The following ZDHHC4 variants were observed in gnomAD, a reference collection of about 807,000 sequenced individuals.
The protein encoded by ZDHHC4 is zDHHC palmitoyltransferase 4.
Under a neutral mutation model 36.7 loss-of-function variants are expected in ZDHHC4, and 42 were observed. The observed-to-expected ratio is 1.14, with a 90% confidence interval of 0.89 to 1.48. The LOEUF (loss-of-function observed/expected upper bound fraction) is 1.48, where lower values mean the gene tolerates loss of function less well. Among genes scored for constraint, ZDHHC4 ranks in the 40% most tolerant of loss-of-function variants. The pLI is 0.00. For synonymous variants in ZDHHC4, 189 were observed against 166.6 expected (o/e 1.13, Z -1.03); for missense variants, 457 against 421.5 (o/e 1.08, Z -0.74).
chr7:6,582,541 G>C (rs770736246), intron 5 of ZDHHC4, among the ~76,000 whole-genome samples: 2 of 151,974 alleles, frequency 1.3e-5, no homozygotes, highest in Non-Finnish European at 2.9e-5. Flanking sequence ...TTCTTAAGAC[G>C]GAGTCACGCT....
intron 6 of ZDHHC4, 53 bp from the exon 7 acceptor site, chr7:6,584,963 G>A (rs1014980345): frequency 5.0e-6 from 8 of 1,604,762 alleles, no homozygotes; most frequent in African/African-American, 1.3e-5. Context: ...GGTGTGCGGT[G>A]TCCTTGTCTC....
intron 6 of ZDHHC4, chr7:6,584,814 A>G (rs1562543481): frequency 1.5e-6 from 1 of 654,274 alleles, no homozygotes; most frequent in Non-Finnish European, 2.5e-6. Flanking sequence ...TTGTAGTCAG[A>G]TTGCAAGTGC....
In ZDHHC4 at chr7:6,588,808, G is replaced by A; in HGVS notation, c.933G>A (p.Glu311=). The part of the protein sequence containing the change: ...CPLVAWPPSA[E]PQVHRNIHSH... ...TTGTGGCCTGGCCTCCGTCAGCAGA[G>A]CCCCAAGTCCACCGGAACATTCACT... The change falls in exon 8 of 8, where the codon GAG becomes GAA. Residue 311 remains glutamate (E), a synonymous_variant. Coordinates refer to ENST00000335965, the MANE Select transcript of ZDHHC4 (RefSeq NM_001134389.2). 1 of 1,614,132 alleles carries A rather than the reference G, an allele frequency of 6.2e-7. No individual in the cohort carries two copies. Among genetic ancestry groups the A allele is most frequent in the South Asian group, 1.1e-5 (1 of 91,080 alleles).
rs758307330 is a variant in ZDHHC4 at position 6,585,261 on chromosome 7, G to A, written c.741+1G>A. ...TATGGACACGGTCTTTCTTATTCAG[G>A]TAATTATGCTGTAGGTTTCTGACTT... On this transcript the variant is annotated splice_donor_variant, in intron 7 of 7. Transcript: ENST00000335965. LOFTEE classifies it high-confidence loss of function. 2 of 1,609,494 alleles carry A rather than the reference G, an allele frequency of 1.2e-6. No homozygotes were observed. Among genetic ancestry groups the A allele is most frequent in the East Asian group, 2.2e-5 (1 of 44,764 alleles).
intron 2 of ZDHHC4, among the ~76,000 whole-genome samples, chr7:6,579,008 A>G (rs1301023749): frequency 6.6e-6 from 1 of 151,834 alleles, no homozygotes; most frequent in Non-Finnish European, 1.5e-5. Flanking sequence ...TTTTTTGTAG[A>G]GATGGGGGTC....
At position 6,588,972 on chromosome 7, in the gene ZDHHC4, T is replaced by C; in HGVS notation, c.*62T>C. ...TATTTACACATGTGGATCCTCGTTT[T>C]CCAAGCATGGCTTGTTTGTTTTGAT... On this transcript the variant is annotated 3_prime_UTR_variant, in exon 8 of 8. Coordinates refer to ENST00000335965, the MANE Select transcript of ZDHHC4 (RefSeq NM_001134389.2). 1 of 1,548,538 alleles carries C rather than the reference T, an allele frequency of 6.5e-7. No homozygotes were observed. Among genetic ancestry groups the C allele is most frequent in the Admixed American group, 1.8e-5 (1 of 54,660 alleles).
intron 7 of ZDHHC4, 95 bp downstream of exon 7, chr7:6,585,355 GGC>G: frequency 6.6e-7 from 1 of 1,507,010 alleles, no homozygotes; most frequent in Non-Finnish European, 8.9e-7. Context: ...GGGGTGTGGT[GGC>G]TCACGCCTAT....
At position 6,588,863 on chromosome 7, in the gene ZDHHC4, A is replaced by G. The variant is rs1017404810; in HGVS notation, c.988A>G (p.Ile330Val). Residue 330 changes from isoleucine (I) to valine (V), a missense_variant, in exon 8 of 8, where the codon ATC (isoleucine) becomes GTC (valine). Transcript: ENST00000335965. Reference sequence around the variant, plus strand: ...TGGGCTTCGGAGCAACCTTCAAGAGATCTTTCTACCTGCCTTTCCATGTCA... The same window carrying G: ...TGGGCTTCGGAGCAACCTTCAAGAGGTCTTTCTACCTGCCTTTCCATGTCA... ...SHGLRSNLQE[I>V]FLPAFPCHER... is the part of the protein sequence containing the mutation. 3 of 1,611,752 alleles carry G rather than the reference A, an allele frequency of 1.9e-6. No homozygotes were observed. Among genetic ancestry groups the G allele is most frequent in the Non-Finnish European group, 2.5e-6 (3 of 1,178,104 alleles).
Position 6,589,289 on chromosome 7 carries a change from C to CT in ZDHHC4, c.*383dup, listed in dbSNP as rs1038940202. On this transcript the variant is annotated 3_prime_UTR_variant, in exon 8 of 8. Transcript: ENST00000335965. ...TGCGCGTTGTGCCTGGCTGTGCTCTCTTTTATGCCCCCTCTATTCTCCTCT... is the reference window on the plus strand; with the variant it reads ...TGCGCGTTGTGCCTGGCTGTGCTCTCTTTTTATGCCCCCTCTATTCTCCTCT... 4.5e-6 allele frequency: 1 copy of CT among 221,370 alleles called. No homozygotes were observed. The highest frequency in any genetic ancestry group is 9.2e-6 in the Non-Finnish European group (1 of 108,250). The allele number at this position is 221,370 out of a possible 1,614,324, so 13.7% of individuals were successfully genotyped here. A position where few individuals can be genotyped will look rare whatever the true frequency, so the allele number is the denominator to read the frequency against.
intron 2 of ZDHHC4, 106 bp from the exon 3 acceptor site, chr7:6,580,449 G>C: frequency 1.1e-6 from 1 of 899,788 alleles, no homozygotes; most frequent in East Asian, 2.4e-5. Flanking sequence ...TTAAAGTCTA[G>C]ATGAATTCTG....
At chr7:6,580,300 C>G (rs1780751386) in intron 2 of ZDHHC4, among the ~76,000 whole-genome samples, 1 of 152,068 alleles carries the variant, frequency 6.6e-6, no homozygotes, top group African/African-American at 2.4e-5. Flanking sequence ...TGCACCTGGC[C>G]CAGAATTTTT....
At chr7:6,583,272 G>A (rs1437769698) in intron 5 of ZDHHC4, 34 bp from the exon 6 acceptor site, 1 of 1,610,840 alleles carries the variant, frequency 6.2e-7, no homozygotes, top group Non-Finnish European at 8.5e-7. Flanking sequence ...CCAAAGTATT[G>A]CACGAAACTG....
intron 5 of ZDHHC4, among the ~76,000 whole-genome samples, chr7:6,582,560 C>T (rs1256564866): frequency 6.6e-6 from 1 of 152,156 alleles, no homozygotes; most frequent in Non-Finnish European, 1.5e-5. Context: ...CTTTGTCGCC[C>T]AGGCTGCAGT....
intron 7 of ZDHHC4, among the ~76,000 whole-genome samples, chr7:6,586,379 A>G (rs1781247345): frequency 6.6e-6 from 1 of 152,200 alleles, no homozygotes; most frequent in Non-Finnish European, 1.5e-5. Context: ...TGGACACTTC[A>G]TATAAATGGA....
rs1315578709 is a variant in ZDHHC4, at chr7:6,588,836, C to T, written c.961C>T (p.His321Tyr). Residue 321 changes from histidine to tyrosine, a missense_variant, in exon 8 of 8, where the codon CAT becomes TAT. Physicochemically the swap from His to Tyr is moderately conservative, Grantham distance 83. Coordinates refer to ENST00000335965, the MANE Select transcript of ZDHHC4 (RefSeq NM_001134389.2). ...EPQVHRNIHS[H>Y]GLRSNLQEIF... ...CCAAGTCCACCGGAACATTCACTCCCATGGGCTTCGGAGCAACCTTCAAGA... is the reference window on the plus strand; with the variant it reads ...CCAAGTCCACCGGAACATTCACTCCTATGGGCTTCGGAGCAACCTTCAAGA... 6.2e-7 allele frequency: 1 copy of T among 1,614,172 alleles called. No individual in the cohort carries two copies.
chr7:6,580,865 A>G lies in ZDHHC4; in HGVS notation c.117+187A>G, dbSNP rs1780794323. The G allele has an allele frequency of 8.3e-6, 5 of 604,246 alleles. No homozygotes were observed. In the South Asian group the frequency reaches 9.7e-5, roughly 12 times the overall value. 37.4% of individuals were successfully genotyped at this position (604,246 alleles called of 1,614,324 possible). A position where few individuals can be genotyped will look rare whatever the true frequency, so the allele number is the denominator to read the frequency against. ...CAGGAGTCTGAAGTTGCCATGAGCT[A>G]TGATCACGCCACTGCACTCCAGCCT... On this transcript the variant is annotated intron_variant, in intron 3 of 7. Coordinates refer to ENST00000335965, the MANE Select transcript of ZDHHC4 (RefSeq NM_001134389.2).
chr7:6,581,390 C>T (rs919938102), intron 3 of ZDHHC4, among the ~76,000 whole-genome samples: 1 of 152,224 alleles, frequency 6.6e-6, no homozygotes, highest in Non-Finnish European at 1.5e-5. Context: ...TGACAGGTGC[C>T]TTCGTCAGAA....
rs1780900634 is a variant in ZDHHC4 at position 6,582,185 on chromosome 7, C to A, written c.304C>A (p.Leu102Ile). The A allele has an allele frequency of 6.2e-7, 1 of 1,614,000 alleles. No homozygotes were observed. The highest frequency in any genetic ancestry group is 1.7e-5 in the Admixed American group (1 of 59,994). The change falls in exon 5 of 8, where the codon CTT becomes ATT. Residue 102 changes from leucine to isoleucine, a missense_variant. Physicochemically the swap from Leu to Ile is conservative, Grantham distance 5. Transcript: ENST00000335965. ...GCTGGAGTTGTCCTTGCATTACCTT[C>A]TTCTGCCCTATCTGCTGCTAGGTGT... is the stretch of plus-strand genomic sequence containing the variant. Reference protein sequence around the residue: ...QELELSLHYLLLPYLLLGVNL... With the variant: ...QELELSLHYLILPYLLLGVNL...
chr7:6,580,135 C>CA lies in ZDHHC4; in HGVS notation c.-7-409dup, dbSNP rs899630486. ...GGGTAACAAGAGTGAAACTCTGTCT[C>CA]AAAAAAAAAAAGTTTATCTTTCTTT... On this transcript the variant is annotated intron_variant, in intron 2 of 7. Transcript: ENST00000335965. Among the ~76,000 whole-genome samples the CA allele has an allele frequency of 2.3e-4, 33 of 144,704 alleles. 1 individual carries two copies. The highest frequency in any genetic ancestry group is 4.4e-4 in the South Asian group (2 of 4,556). 94.9% of individuals were successfully genotyped at this position (144,704 alleles called of 152,430 possible). A position where few individuals can be genotyped will look rare whatever the true frequency, so the allele number is the denominator to read the frequency against.
Sources: allele counts gnomAD v4.1 joint callset (sites outside exome capture counted in the v4.1 genomes callset), GRCh38; gene constraint gnomAD v4.1.1; transcripts MANE v1.5; gene names NCBI Gene and HGNC (gene_info 2026-07-23, HGNC 2026-07-21).